The following TBC1D4 variants were observed in gnomAD, a reference collection of about 807,000 sequenced individuals.
The protein encoded by TBC1D4 is TBC1 domain family member 4, also known as TBC (Tre-2, BUB2, CDC16) domain-containing protein.
Under a neutral mutation model 142.5 loss-of-function variants are expected in TBC1D4, and 121 were observed. That is an observed-to-expected ratio of 0.85 (90% CI 0.73 to 0.99). TBC1D4 has a LOEUF of 0.99. Among genes scored for constraint, TBC1D4 ranks in the 50% least tolerant of loss-of-function variants. TBC1D4 has a pLI of 0.00. For missense variants in TBC1D4, 1,475 were observed against 1,606.6 expected (o/e 0.92, Z 1.40); for synonymous variants, 630 against 628.2 (o/e 1.00, Z -0.04).
chr13:75,331,658 A>G (rs368648589), intron 8 of TBC1D4, among the ~76,000 whole-genome samples: 36 of 152,252 alleles, frequency 2.4e-4, no homozygotes, highest in African/African-American at 7.7e-4. Flanking sequence ...TTCATGTGTC[A>G]GGCCCTTTCC....
chr13:75,356,488 C>A (rs1882060216), intron 3 of TBC1D4, among the ~76,000 whole-genome samples: 1 of 152,116 alleles, frequency 6.6e-6, no homozygotes, highest in African/African-American at 2.4e-5. Flanking sequence ...CGACTCAAGG[C>A]CACAGGAGGA....
intron 2 of TBC1D4, among the ~76,000 whole-genome samples, chr13:75,360,170 T>G (rs1882388838): frequency 6.6e-6 from 1 of 152,192 alleles, no homozygotes; most frequent in African/African-American, 2.4e-5. Flanking sequence ...ACTTCATGAT[T>G]TCTAAAAATA....
chr13:75,407,161 T>C (rs1397036861), intron 1 of TBC1D4, among the ~76,000 whole-genome samples: 3 of 152,280 alleles, frequency 2.0e-5, no homozygotes, highest in South Asian at 4.1e-4. Flanking sequence ...CCCACCTCAT[T>C]CAGGTAGCCA....
At position 75,481,683 on chromosome 13, in the gene TBC1D4, CGG is replaced by C. The variant is rs1566523763; in HGVS notation, c.83_84del (p.Pro28ArgfsTer6). On this transcript the variant is annotated frameshift_variant, in exon 1 of 21. Coordinates refer to ENST00000377636, the MANE Select transcript of TBC1D4 (RefSeq NM_014832.5). LOFTEE classifies it high-confidence loss of function. ...PEPGVSAQPG[P>X]GKPSDKRFRL... ...CGGAACCGCTTATCGCTTGGCTTCC[CGG>C]GGCCGGGCTGAGCTGAGACGCCCGG... is the stretch of plus-strand genomic sequence containing the variant. The C allele has an allele frequency of 6.2e-7, 1 of 1,600,138 alleles. No homozygotes were observed. The highest frequency in any genetic ancestry group is 1.1e-5 in the South Asian group (1 of 89,684).
chr13:75,472,225 C>G (rs145368756), intron 1 of TBC1D4, among the ~76,000 whole-genome samples: 118 of 151,830 alleles, frequency 7.8e-4, no homozygotes, highest in Non-Finnish European at 1.5e-3. Flanking sequence ...GAGAGAACAG[C>G]CTGGCCAACA....
chr13:75,409,897 G>A (rs1885539162), intron 1 of TBC1D4, among the ~76,000 whole-genome samples: 1 of 152,146 alleles, frequency 6.6e-6, no homozygotes, highest in Admixed American at 6.5e-5. Flanking sequence ...TATCATCTCT[G>A]GAGGAAATGA....
rs143346361 is a variant in TBC1D4 at position 75,435,962 on chromosome 13, A to T, written c.498+45308T>A. Among the ~76,000 whole-genome samples the T allele has an allele frequency of 2.9e-4, 44 of 152,326 alleles. No individual in the cohort carries two copies. The East Asian group carries it at 7.9e-3, about 27-fold the overall frequency. On this transcript the variant is annotated intron_variant, in intron 1 of 20. Transcript: ENST00000377636. ...AGACAAGAAAAGAAAGTTCTATTTT[A>T]TATACAATGGTGATATCATTTGGCT...
chr13:75,331,107 C>A (rs1879707514), intron 8 of TBC1D4, among the ~76,000 whole-genome samples: 1 of 152,120 alleles, frequency 6.6e-6, no homozygotes, highest in Non-Finnish European at 1.5e-5. Flanking sequence ...TTATACTCTA[C>A]CACTTCACAC....
At chr13:75,373,892 T>C (rs930644020) in intron 1 of TBC1D4, among the ~76,000 whole-genome samples, 2 of 152,108 alleles carry the variant, frequency 1.3e-5, no homozygotes, top group African/African-American at 4.8e-5. Context: ...GGCAAAACGA[T>C]ACCAAGAGAA....
Position 75,294,913 on chromosome 13 carries a change from G to A in TBC1D4, c.3257C>T (p.Pro1086Leu). The A allele has an allele frequency of 6.2e-7, 1 of 1,613,968 alleles. No individual in the cohort carries two copies. The highest frequency in any genetic ancestry group is 2.2e-5 in the East Asian group (1 of 44,862). The change falls in exon 18 of 21, where the codon CCC (proline) becomes CTC (leucine). Residue 1086 changes from proline to leucine, a missense_variant. Pro to Leu is a moderately conservative substitution (Grantham distance 98). Transcript: ENST00000377636. ...AGAGGCAAACAATGTGAGGAACCAGGGGGCAGCATAAAGACTGGGGCTGAT... is the reference window on the plus strand; with the variant it reads ...AGAGGCAAACAATGTGAGGAACCAGAGGGCAGCATAAAGACTGGGGCTGAT... ...NEISPSLYAA[P>L]WFLTLFASQF...
Position 75,424,082 on chromosome 13 carries a change from G to A in TBC1D4, c.498+57188C>T, listed in dbSNP as rs7327787. Among the ~76,000 whole-genome samples, 983 of 152,292 alleles carry A rather than the reference G, an allele frequency of 6.5e-3. 14 individuals are homozygous for A. Among genetic ancestry groups the A allele is most frequent in the African/African-American group, 0.022 (905 of 41,570 alleles). On this transcript the variant is annotated intron_variant, in intron 1 of 20. Coordinates refer to ENST00000377636, the MANE Select transcript of TBC1D4 (RefSeq NM_014832.5). ...GTGCAAGACCAGTGTGGGCAACACAGTGAGACCTTATCTCTACAAAACAAT... is the reference window on the plus strand; with the variant it reads ...GTGCAAGACCAGTGTGGGCAACACAATGAGACCTTATCTCTACAAAACAAT...
At chr13:75,385,185 T>C (rs1352529464) in intron 1 of TBC1D4, among the ~76,000 whole-genome samples, 1 of 152,156 alleles carries the variant, frequency 6.6e-6, no homozygotes, top group Non-Finnish European at 1.5e-5. Flanking sequence ...TGCACACCTC[T>C]AAATCACCCA....
At chr13:75,446,791 TAAATATTTG>T (rs1887303072) in intron 1 of TBC1D4, among the ~76,000 whole-genome samples, 1 of 152,292 alleles carries the variant, frequency 6.6e-6, no homozygotes, top group East Asian at 1.9e-4. Flanking sequence ...AGCAAAACTA[TAAATATTTG>T]ACCTCTACTA....
At chr13:75,383,236 T>A (rs1883959758) in intron 1 of TBC1D4, among the ~76,000 whole-genome samples, 1 of 152,136 alleles carries the variant, frequency 6.6e-6, no homozygotes. Context: ...GGCACAAGAA[T>A]CACTTGAACC....
At chr13:75,301,459 G>A (rs1876535290) in intron 16 of TBC1D4, among the ~76,000 whole-genome samples, 1 of 151,978 alleles carries the variant, frequency 6.6e-6, no homozygotes, top group East Asian at 1.9e-4. Context: ...GGCTAACACG[G>A]TGAAACCCCA....
chr13:75,316,834 A>G (rs1488002259), intron 12 of TBC1D4, among the ~76,000 whole-genome samples: 1 of 152,214 alleles, frequency 6.6e-6, no homozygotes, highest in Non-Finnish European at 1.5e-5. Context: ...TAGTTATCAC[A>G]TTAACTTTTC....
intron 1 of TBC1D4, among the ~76,000 whole-genome samples, chr13:75,364,243 G>A (rs1039909694): frequency 6.6e-6 from 1 of 152,120 alleles, no homozygotes; most frequent in Admixed American, 6.5e-5. Context: ...AACATACAAG[G>A]CACATTCCTC....
rs1467813701 is a variant in TBC1D4 at position 75,481,489 on chromosome 13, G to A, written c.279C>T (p.Cys93=). The change falls in exon 1 of 21, where the codon TGC becomes TGT. Residue 93 remains cysteine (C), a synonymous_variant. Coordinates refer to ENST00000377636, the MANE Select transcript of TBC1D4 (RefSeq NM_014832.5). The part of the protein sequence containing the change: ...ILVLSAPFLR[C]VPAPGAGASG... ...AGGCCCCAGCGCCCGGCGCGGGGAC[G>A]CAACGCAGGAAGGGCGCGCTGAGCA... is the stretch of plus-strand genomic sequence containing the variant. The A allele has an allele frequency of 1.9e-6, 3 of 1,612,892 alleles. No homozygotes were observed. The highest frequency in any genetic ancestry group is 2.2e-5 in the South Asian group (2 of 90,996).
intron 17 of TBC1D4, among the ~76,000 whole-genome samples, chr13:75,296,915 C>T (rs1875988779): frequency 6.6e-6 from 1 of 152,116 alleles, no homozygotes; most frequent in Admixed American, 6.5e-5. Context: ...GCCTGGAGCA[C>T]CCAAGCCACC....
Sources: allele counts gnomAD v4.1 joint callset (sites outside exome capture counted in the v4.1 genomes callset), GRCh38; gene constraint gnomAD v4.1.1; transcripts MANE v1.5; gene names NCBI Gene and HGNC (gene_info 2026-07-23, HGNC 2026-07-21).